The following MYOF variants were observed in gnomAD, a reference collection of about 807,000 sequenced individuals.
MYOF encodes fer-1-like 3, myoferlin.
Under a neutral mutation model 284.2 loss-of-function variants are expected in MYOF, and 244 were observed. The ratio of observed to expected loss-of-function variants is 0.86; its 90% CI spans 0.77 to 0.95. The LOEUF is 0.95. Ranked by LOEUF, MYOF falls within the 40% of genes least tolerant of loss-of-function variation. The probability of loss-of-function intolerance (pLI) is 0.00; values close to 1 mark genes in which losing one functional copy is unlikely to be tolerated. For synonymous variants in MYOF, 904 were observed against 919.7 expected, an observed-to-expected ratio of 0.98 and a Z score of 0.31; for missense variants, 2,496 against 2,560.6, an observed-to-expected ratio of 0.97 and a Z score of 0.54.
At chr10:93,426,252 T>G (rs1848585546) in intron 4 of MYOF, 94 bp from the exon 5 acceptor site, 1 of 1,273,548 alleles carries the variant, frequency 7.9e-7, no homozygotes, top group African/African-American at 1.5e-5. Context: ...GCCAAAGTCT[T>G]GGAAGGGGTA....
At chr10:93,339,535 G>C (rs1198453575) in intron 39 of MYOF, among the ~76,000 whole-genome samples, 1 of 151,634 alleles carries the variant, frequency 6.6e-6, no homozygotes, top group Non-Finnish European at 1.5e-5. Flanking sequence ...TGCAATCTCA[G>C]CTCACTGCAT....
At chr10:93,337,596 G>T (rs921164146) in intron 40 of MYOF, 3 of 482,864 alleles carry the variant, frequency 6.2e-6, no homozygotes, top group African/African-American at 5.9e-5. Flanking sequence ...GCCCCAATGT[G>T]GCAGTCACGT....
intron 36 of MYOF, among the ~76,000 whole-genome samples, chr10:93,348,534 ACCAAGG>A (rs1448938340): frequency 6.6e-6 from 1 of 152,076 alleles, no homozygotes; most frequent in Non-Finnish European, 1.5e-5. Flanking sequence ...ATCTCTGCTG[ACCAAGG>A]CTAGATTCCA....
chr10:93,438,517 G>A (rs1396045940), intron 3 of MYOF, among the ~76,000 whole-genome samples: 2 of 152,128 alleles, frequency 1.3e-5, no homozygotes, highest in Non-Finnish European at 2.9e-5. Context: ...ACATTTCTCA[G>A]AATGTGCTTC....
intron 12 of MYOF, among the ~76,000 whole-genome samples, chr10:93,400,304 G>A (rs1471900255): frequency 6.8e-6 from 1 of 148,018 alleles, no homozygotes; most frequent in Admixed American, 6.8e-5. Context: ...CTTATTTTAT[G>A]TATTTCTTTC....
At chr10:93,402,717 C>T in intron 10 of MYOF, 143 bp downstream of exon 10, 2 of 680,420 alleles carry the variant, frequency 2.9e-6, no homozygotes, top group Non-Finnish European at 4.9e-6. Flanking sequence ...CTCTCCTCTC[C>T]CTCATTAAGA....
intron 38 of MYOF, among the ~76,000 whole-genome samples, chr10:93,341,401 G>A (rs1436897387): frequency 4.0e-5 from 6 of 151,508 alleles, no homozygotes; most frequent in Admixed American, 1.3e-4. Flanking sequence ...TCAGCCTCCC[G>A]AGTAGCTGGG....
At chr10:93,391,580 A>G (rs1846678721) in intron 17 of MYOF, among the ~76,000 whole-genome samples, 1 of 150,618 alleles carries the variant, frequency 6.6e-6, no homozygotes, top group African/African-American at 2.4e-5. Context: ...GGTTGACTGG[A>G]GCAAAACTCC....
intron 16 of MYOF, among the ~76,000 whole-genome samples, chr10:93,394,446 G>GTT (rs1411982961): frequency 1.8e-4 from 6 of 33,470 alleles, no homozygotes; most frequent in Admixed American, 5.0e-4. Flanking sequence ...TCACCATCTT[G>GTT]TCTTTTTTTT....
chr10:93,350,072 A>C (rs763502167), intron 35 of MYOF, 103 bp from the exon 36 acceptor site: 68 of 1,157,860 alleles, frequency 5.9e-5, no homozygotes, highest in Non-Finnish European at 7.9e-5. Context: ...CTTTAAGATT[A>C]ATTTGAACAT....
At chr10:93,403,727 G>A (rs1847410915) in intron 9 of MYOF, among the ~76,000 whole-genome samples, 1 of 152,178 alleles carries the variant, frequency 6.6e-6, no homozygotes, top group Admixed American at 6.5e-5. Context: ...GGTAGATGGT[G>A]GACTTCTTGC....
intron 19 of MYOF, among the ~76,000 whole-genome samples, chr10:93,387,055 T>G (rs987263975): frequency 6.6e-6 from 1 of 152,214 alleles, no homozygotes; most frequent in African/African-American, 2.4e-5. Context: ...TAGCCACATT[T>G]CGCAACCACG....
At position 93,370,314 on chromosome 10, in the gene MYOF, A is replaced by ATTTTTTTTTTTTTTTTTTT. The variant is rs916555324; in HGVS notation, c.2458-557_2458-539dup. Among the ~76,000 whole-genome samples the ATTTTTTTTTTTTTTTTTTT allele has an allele frequency of 2.8e-4, 34 of 122,412 alleles. 2 individuals are homozygous for ATTTTTTTTTTTTTTTTTTT. The highest frequency in any genetic ancestry group is 1.2e-3 in the African/African-American group (33 of 28,264). The allele number at this position is 122,412 out of a possible 152,430, so 80.3% of individuals were successfully genotyped here. A position where few individuals can be genotyped will look rare whatever the true frequency, so the allele number is the denominator to read the frequency against. ...GTTGATCAAGCAGTAATGATTACTA[A>ATTTTTTTTTTTTTTTTTTT]TTTTTTTTTTTTTTTTTTTTTGAGA... On this transcript the variant is annotated intron_variant, in intron 24 of 53. Transcript: ENST00000359263.
At chr10:93,446,241 G>T (rs750445827) in intron 3 of MYOF, among the ~76,000 whole-genome samples, 4 of 152,172 alleles carry the variant, frequency 2.6e-5, no homozygotes, top group Non-Finnish European at 5.9e-5. Context: ...AGTGGAATCT[G>T]CAGGATGAGA....
intron 48 of MYOF, among the ~76,000 whole-genome samples, chr10:93,322,488 GAGGCATATGATCA>G (rs1438607500): frequency 2.6e-5 from 4 of 152,110 alleles, no homozygotes; most frequent in African/African-American, 4.8e-5. Flanking sequence ...ATCTATGATC[GAGGCATATGATCA>G]AGGCATAGCC....
intron 35 of MYOF, among the ~76,000 whole-genome samples, chr10:93,350,983 G>A (rs1425814133): frequency 6.6e-6 from 1 of 152,180 alleles, no homozygotes; most frequent in East Asian, 1.9e-4. Flanking sequence ...TAAATGAGGA[G>A]TTTAGATGCC....
chr10:93,398,709 CAT>C (rs1491524233), intron 13 of MYOF, among the ~76,000 whole-genome samples: 3 of 151,698 alleles, frequency 2.0e-5, no homozygotes, highest in African/African-American at 7.2e-5. Context: ...AAGCACCAGT[CAT>C]ATGTGTATGT....
chr10:93,451,895 T>C (rs559745371), intron 3 of MYOF, among the ~76,000 whole-genome samples, 155 bp downstream of exon 3: 4 of 152,222 alleles, frequency 2.6e-5, no homozygotes, highest in Admixed American at 2.6e-4. Flanking sequence ...ATTAGCCACA[T>C]CTGCTATTGG....
intron 7 of MYOF, among the ~76,000 whole-genome samples, chr10:93,406,118 C>T (rs788358): frequency 7.3e-5 from 11 of 150,478 alleles, no homozygotes; most frequent in African/African-American, 1.5e-4. Flanking sequence ...CCACCACACC[C>T]GGCTAATTGT....
Sources: gnomAD v4.1 joint callset for allele counts (sites outside exome capture counted in the v4.1 genomes callset) on GRCh38, gnomAD v4.1.1 for gene constraint, MANE v1.5 for transcripts, NCBI Gene and HGNC (gene_info 2026-07-23, HGNC 2026-07-21) for gene names.